Variants in ZNF804B observed in about 807,000 individuals in gnomAD.
ZNF804B encodes the protein zinc finger protein 804B.
ZNF804B carries 80 observed loss-of-function variants against 101.4 expected under a neutral mutation model. The ratio of observed to expected loss-of-function variants is 0.79; its 90% confidence interval spans 0.66 to 0.95. The LOEUF is 0.95. ZNF804B is among the 40% of genes least tolerant of loss of function. The probability of loss-of-function intolerance (pLI) is 0.00; values close to 1 mark genes in which losing one functional copy is unlikely to be tolerated. For missense variants in ZNF804B, 1,673 were observed against 1,561.9 expected, an observed-to-expected ratio of 1.07 and a Z score of -1.20; for synonymous variants, 622 against 558.8, an observed-to-expected ratio of 1.11 and a Z score of -1.59.
chr7:89,122,284 C>T (rs1790418629), intron 1 of ZNF804B, among the ~76,000 whole-genome samples: 1 of 152,154 alleles, frequency 6.6e-6, no homozygotes, highest in Admixed American at 6.5e-5. Context: ...CCATGTTTCA[C>T]ATGCTACATA....
chr7:89,223,751 T>C (rs1789040492), intron 2 of ZNF804B, among the ~76,000 whole-genome samples: 2 of 151,884 alleles, frequency 1.3e-5, no homozygotes, highest in Non-Finnish European at 2.9e-5. Context: ...ATAACACACC[T>C]GATTTTTTAA....
intron 1 of ZNF804B, among the ~76,000 whole-genome samples, chr7:89,157,585 A>C (rs78171415): frequency 0.013 from 1,909 of 152,322 alleles, 21 homozygotes; most frequent in Middle Eastern, 0.02. Context: ...TTCATTAAAC[A>C]CAGTGGACTA....
At chr7:89,326,556 T>A (rs801832) in intron 2 of ZNF804B, among the ~76,000 whole-genome samples, 54 of 152,204 alleles carry the variant, frequency 3.5e-4, no homozygotes, top group African/African-American at 1.3e-3. Flanking sequence ...AATCTTTAAA[T>A]ACACTTCCAA....
At chr7:88,922,504 T>C (rs1792733648) in intron 1 of ZNF804B, among the ~76,000 whole-genome samples, 1 of 152,020 alleles carries the variant, frequency 6.6e-6, no homozygotes, top group African/African-American at 2.4e-5. Flanking sequence ...TTCATATGTA[T>C]AGACATTTAT....
At chr7:89,319,116 C>T (rs971119227) in intron 2 of ZNF804B, among the ~76,000 whole-genome samples, 2 of 152,088 alleles carry the variant, frequency 1.3e-5, no homozygotes, top group Non-Finnish European at 2.9e-5. Flanking sequence ...TCCTTGCCCT[C>T]GTTCCTGTAA....
chr7:89,004,822 TG>T (rs1788348515), intron 1 of ZNF804B, among the ~76,000 whole-genome samples: 1 of 151,976 alleles, frequency 6.6e-6, no homozygotes, highest in South Asian at 2.1e-4. Context: ...TGTGTATCAG[TG>T]GGGCCACCAT....
At chr7:88,942,389 T>C (rs1281852396) in intron 1 of ZNF804B, among the ~76,000 whole-genome samples, 1 of 151,904 alleles carries the variant, frequency 6.6e-6, no homozygotes, top group Non-Finnish European at 1.5e-5. Flanking sequence ...TCCTTTTAAT[T>C]TTATGAGTTG....
intron 2 of ZNF804B, among the ~76,000 whole-genome samples, chr7:89,222,011 T>C (rs1169884688): frequency 6.6e-6 from 1 of 151,888 alleles, no homozygotes; most frequent in Non-Finnish European, 1.5e-5. Flanking sequence ...CGTAGGACAC[T>C]TAAAAGAGAG....
chr7:88,947,743 A>T (rs910215539), intron 1 of ZNF804B, among the ~76,000 whole-genome samples: 2 of 151,970 alleles, frequency 1.3e-5, no homozygotes, highest in African/African-American at 2.4e-5. Flanking sequence ...CTCACTATGT[A>T]TATGAAAATA....
At chr7:89,274,624 G>A (rs578233604) in intron 2 of ZNF804B, among the ~76,000 whole-genome samples, 1 of 151,706 alleles carries the variant, frequency 6.6e-6, no homozygotes, top group East Asian at 1.9e-4. Flanking sequence ...TAGAAGACAT[G>A]TTCCCCAAAC....
chr7:88,961,807 G>A (rs1161239817), intron 1 of ZNF804B, among the ~76,000 whole-genome samples: 2 of 151,330 alleles, frequency 1.3e-5, no homozygotes, highest in Non-Finnish European at 3.0e-5. Context: ...GAGGATGAAA[G>A]GGAAAGGCAT....
intron 1 of ZNF804B, among the ~76,000 whole-genome samples, chr7:89,093,505 T>C (rs1268548580): frequency 5.3e-5 from 8 of 152,224 alleles, no homozygotes. Flanking sequence ...GTTTTAAAGT[T>C]CTAGGTATAT....
chr7:89,014,293 G>C (rs1788506949), intron 1 of ZNF804B, among the ~76,000 whole-genome samples: 1 of 151,996 alleles, frequency 6.6e-6, no homozygotes, highest in Admixed American at 6.6e-5. Flanking sequence ...ACGTTTCCCT[G>C]ATGATTAGTG....
At chr7:88,960,435 C>T (rs1485079180) in intron 1 of ZNF804B, among the ~76,000 whole-genome samples, 2 of 151,020 alleles carry the variant, frequency 1.3e-5, no homozygotes, top group Non-Finnish European at 3.0e-5. Flanking sequence ...ATGGTGCTCA[C>T]AGAAGGCTTC....
intron 1 of ZNF804B, among the ~76,000 whole-genome samples, chr7:89,014,645 C>G (rs1172691921): frequency 6.6e-6 from 1 of 152,106 alleles, no homozygotes; most frequent in Non-Finnish European, 1.5e-5. Context: ...TATTTCTTGG[C>G]CATTTGTATG....
At chr7:89,148,800 G>A (rs1369542903) in intron 1 of ZNF804B, among the ~76,000 whole-genome samples, 4 of 152,018 alleles carry the variant, frequency 2.6e-5, no homozygotes, top group South Asian at 2.1e-4. Flanking sequence ...GACTACATCT[G>A]CTGAATAGTC....
chr7:89,233,379 G>A (rs1217782064), intron 2 of ZNF804B, among the ~76,000 whole-genome samples: 2 of 152,148 alleles, frequency 1.3e-5, no homozygotes, highest in African/African-American at 4.8e-5. Context: ...GACTTAGAAA[G>A]TAACTCTGAA....
intron 2 of ZNF804B, among the ~76,000 whole-genome samples, chr7:89,311,479 T>C (rs1393771345): frequency 6.6e-6 from 1 of 152,188 alleles, no homozygotes; most frequent in Non-Finnish European, 1.5e-5. Context: ...TGCCAAATTA[T>C]TTCTTCTGAA....
At chr7:89,149,533 AC>A (rs1409908135) in intron 1 of ZNF804B, among the ~76,000 whole-genome samples, 1 of 152,112 alleles carries the variant, frequency 6.6e-6, no homozygotes, top group East Asian at 1.9e-4. Flanking sequence ...ATTAATATGC[AC>A]AGGCAGTTTT....
Sources: allele counts gnomAD v4.1 joint callset (sites outside exome capture counted in the v4.1 genomes callset), GRCh38; gene constraint gnomAD v4.1.1; transcripts MANE v1.5; gene names NCBI Gene and HGNC (gene_info 2026-07-23, HGNC 2026-07-21).